The following CSMD1 variants were observed in gnomAD, a reference collection of about 807,000 sequenced individuals.
CSMD1 encodes the protein CUB and sushi domain-containing protein 1.
In CSMD1, 213 loss-of-function variants were observed where a neutral mutation model predicts 417.5. That is an observed-to-expected ratio of 0.51 (90% confidence interval 0.46 to 0.57). The LOEUF (loss-of-function observed/expected upper bound fraction) is 0.57. Ranked by LOEUF, CSMD1 falls within the 20% of genes least tolerant of loss-of-function variation. The pLI is 0.00. For synonymous variants in CSMD1, 2,862 were observed against 1,736.8 expected (o/e 1.65, Z -16.11); for missense variants, 6,923 against 4,529.7 (o/e 1.53, Z -15.17).
chr8:4,467,771 C>A (rs1415319892), intron 2 of CSMD1, among the ~76,000 whole-genome samples: 1 of 152,114 alleles, frequency 6.6e-6, no homozygotes. Flanking sequence ...GTAGAAAGCA[C>A]CTTGCATTTA....
At chr8:4,245,618 G>C (rs371975138) in intron 3 of CSMD1, among the ~76,000 whole-genome samples, 8 of 152,102 alleles carry the variant, frequency 5.3e-5, no homozygotes, top group Admixed American at 1.3e-4. Flanking sequence ...GGTCAACAAT[G>C]TCATAATCAA....
intron 1 of CSMD1, among the ~76,000 whole-genome samples, chr8:4,786,130 C>A (rs952689868): frequency 6.6e-6 from 1 of 152,166 alleles, no homozygotes; most frequent in South Asian, 2.1e-4. Context: ...CTGTTTGCTT[C>A]TAAAAATGGA....
chr8:3,265,813 A>G (rs2117117527), intron 26 of CSMD1, among the ~76,000 whole-genome samples: 1 of 152,092 alleles, frequency 6.6e-6, no homozygotes, highest in South Asian at 2.1e-4. Context: ...CCTTCAGACT[A>G]GGGTTTTGCT....
chr8:3,236,155 T>C (rs1163560314), intron 26 of CSMD1, among the ~76,000 whole-genome samples: 2 of 151,990 alleles, frequency 1.3e-5, no homozygotes, highest in Non-Finnish European at 2.9e-5. Flanking sequence ...CTTAACCTTG[T>C]GATCTGCCTG....
At chr8:4,479,359 T>C (rs552269211) in intron 2 of CSMD1, among the ~76,000 whole-genome samples, 1 of 152,296 alleles carries the variant, frequency 6.6e-6, no homozygotes, top group East Asian at 1.9e-4. Flanking sequence ...TTACCACATA[T>C]GTCCGGTTAC....
chr8:4,964,822 C>T (rs1809749714), intron 1 of CSMD1, among the ~76,000 whole-genome samples: 1 of 152,052 alleles, frequency 6.6e-6, no homozygotes, highest in South Asian at 2.1e-4. Context: ...TGTTGTGCAC[C>T]CACGATGGAC....
chr8:4,070,682 C>A (rs996363675), intron 3 of CSMD1, among the ~76,000 whole-genome samples: 1 of 152,118 alleles, frequency 6.6e-6, no homozygotes, highest in Non-Finnish European at 1.5e-5. Context: ...CTCTATTCGT[C>A]ACTGAAGATC....
chr8:3,872,061 G>T (rs1805515565), intron 5 of CSMD1, among the ~76,000 whole-genome samples: 1 of 152,136 alleles, frequency 6.6e-6, no homozygotes, highest in Non-Finnish European at 1.5e-5. Context: ...GCTCTTTTAG[G>T]ATACAACCTG....
At chr8:4,317,182 A>G (rs899698467) in intron 3 of CSMD1, among the ~76,000 whole-genome samples, 1 of 152,218 alleles carries the variant, frequency 6.6e-6, no homozygotes, top group African/African-American at 2.4e-5. Flanking sequence ...TACAGTTTAT[A>G]AAGCAGCTCA....
intron 2 of CSMD1, among the ~76,000 whole-genome samples, chr8:4,545,678 C>T (rs1161817948): frequency 1.3e-5 from 2 of 152,142 alleles, no homozygotes; most frequent in Non-Finnish European, 2.9e-5. Context: ...TGCAGTGAGA[C>T]ATGCTCACTA....
chr8:4,288,574 G>C (rs1394577295), intron 3 of CSMD1, among the ~76,000 whole-genome samples: 1 of 152,168 alleles, frequency 6.6e-6, no homozygotes, highest in Admixed American at 6.5e-5. Flanking sequence ...ATGGATGCAA[G>C]TTCAGCTCTA....
At chr8:3,785,625 T>TTACCATC (rs1799416376) in intron 5 of CSMD1, among the ~76,000 whole-genome samples, 1 of 152,224 alleles carries the variant, frequency 6.6e-6, no homozygotes, top group Non-Finnish European at 1.5e-5. Context: ...TAGAAGCAAG[T>TTACCATC]TACCATCGAG....
chr8:4,130,160 C>G (rs547454118), intron 3 of CSMD1, among the ~76,000 whole-genome samples: 1 of 152,184 alleles, frequency 6.6e-6, no homozygotes, highest in Admixed American at 6.5e-5. Context: ...CTGAAAAAGA[C>G]CCAACATCTT....
At chr8:4,429,954 G>C (rs2128946246) in intron 2 of CSMD1, among the ~76,000 whole-genome samples, 1 of 152,236 alleles carries the variant, frequency 6.6e-6, no homozygotes, top group East Asian at 1.9e-4. Context: ...AAGACAAGAG[G>C]CAAAGGGGAG....
intron 3 of CSMD1, among the ~76,000 whole-genome samples, chr8:4,169,554 C>T (rs971563408): frequency 6.6e-6 from 1 of 152,172 alleles, no homozygotes; most frequent in Non-Finnish European, 1.5e-5. Flanking sequence ...ACTCATGTTA[C>T]TTTTCTCATA....
chr8:4,842,650 G>C (rs1054059107), intron 1 of CSMD1, among the ~76,000 whole-genome samples: 2 of 152,198 alleles, frequency 1.3e-5, no homozygotes, highest in Non-Finnish European at 1.5e-5. Context: ...GTTCTTCTCT[G>C]TTGGACAGTA....
At chr8:3,754,862 G>C (rs73498812) in intron 5 of CSMD1, among the ~76,000 whole-genome samples, 1,892 of 152,272 alleles carry the variant, frequency 0.012, 37 homozygotes, top group African/African-American at 0.043. Context: ...CTAAGAACCT[G>C]GGCCTTTCCT....
chr8:4,725,414 T>C (rs1460588160), intron 1 of CSMD1, among the ~76,000 whole-genome samples: 1 of 152,148 alleles, frequency 6.6e-6, no homozygotes, highest in Non-Finnish European at 1.5e-5. Flanking sequence ...ATAAACAAAG[T>C]AGATTATTTA....
intron 2 of CSMD1, among the ~76,000 whole-genome samples, chr8:4,546,784 A>C (rs1167842917): frequency 6.6e-6 from 1 of 151,856 alleles, no homozygotes; most frequent in Non-Finnish European, 1.5e-5. Context: ...GCTACATATA[A>C]TATATAAAAA....
Sources: gnomAD v4.1 joint callset for allele counts (sites outside exome capture counted in the v4.1 genomes callset) on GRCh38, gnomAD v4.1.1 for gene constraint, MANE v1.5 for transcripts, NCBI Gene and HGNC (gene_info 2026-07-23, HGNC 2026-07-21) for gene names.